The following ATP2A2 variants were observed in gnomAD, a reference collection of about 807,000 sequenced individuals.
ATP2A2 encodes the protein ATPase sarcoplasmic/endoplasmic reticulum Ca2+ transporting 2.
In ATP2A2, 14 loss-of-function variants were observed where a neutral mutation model predicts 109.3. That is an observed-to-expected ratio of 0.13 (90% CI 0.08 to 0.20). The LOEUF is 0.20. Ranked by LOEUF, ATP2A2 falls within the 10% of genes least tolerant of loss-of-function variation. ATP2A2 has a pLI of 1.00. For missense variants in ATP2A2, 657 were observed against 1,321.6 expected, an observed-to-expected ratio of 0.50 and a Z score of 7.80; for synonymous variants, 506 against 490.9, an observed-to-expected ratio of 1.03 and a Z score of -0.41.
intron 4 of ATP2A2, among the ~76,000 whole-genome samples, chr12:110,295,221 G>C (rs1418056258): frequency 6.6e-6 from 1 of 152,050 alleles, no homozygotes; most frequent in East Asian, 1.9e-4. Flanking sequence ...GGAGTGCAGT[G>C]TCATAATCAC....
intron 3 of ATP2A2, among the ~76,000 whole-genome samples, chr12:110,284,516 A>C (rs1872478059): frequency 6.6e-6 from 1 of 152,184 alleles, no homozygotes; most frequent in African/African-American, 2.4e-5. Context: ...TTGAGTGGCC[A>C]GTTTGAGTGA....
chr12:110,284,050 T>C (rs573262222), intron 3 of ATP2A2, among the ~76,000 whole-genome samples: 1 of 152,332 alleles, frequency 6.6e-6, no homozygotes, highest in South Asian at 2.1e-4. Flanking sequence ...CCATTAATAA[T>C]TCAGTCCCCA....
Position 110,348,460 on chromosome 12 carries a change from AGATGGTTGGAGTTTGGG to A in ATP2A2, c.*1993_*2009del, listed in dbSNP as rs1400154573. On this transcript the variant is annotated 3_prime_UTR_variant, in exon 20 of 20. Transcript: ENST00000539276. ...CTGGGATGGCCAGTAGATGTAATGCAGATGGTTGGAGTTTGGGGAGGGTTAGGAGGCATCAAGCAGGA... is the reference window on the plus strand; with the variant it reads ...CTGGGATGGCCAGTAGATGTAATGCAGAGGGTTAGGAGGCATCAAGCAGGA... 2.0e-6 allele frequency: 2 copies of A among 985,426 alleles called. No homozygotes were observed. Among genetic ancestry groups the A allele is most frequent in the African/African-American group, 3.5e-5 (2 of 57,232 alleles). The allele number at this position is 985,426 out of a possible 1,614,324, so 61.0% of individuals were successfully genotyped here. A position where few individuals can be genotyped will look rare whatever the true frequency, so the allele number is the denominator to read the frequency against.
chr12:110,290,266 A>G (rs895743590), intron 3 of ATP2A2, among the ~76,000 whole-genome samples: 3 of 152,128 alleles, frequency 2.0e-5, no homozygotes, highest in Non-Finnish European at 4.4e-5. Flanking sequence ...AGCTCCTGGC[A>G]TGAAATGATC....
chr12:110,310,296 T>A (rs1875882828), intron 5 of ATP2A2, among the ~76,000 whole-genome samples: 1 of 151,034 alleles, frequency 6.6e-6, no homozygotes, highest in East Asian at 1.9e-4. Context: ...CATGGTTTTG[T>A]GGGATGTTTT....
intron 3 of ATP2A2, among the ~76,000 whole-genome samples, chr12:110,289,880 A>G (rs537007868): frequency 6.6e-6 from 1 of 152,292 alleles, no homozygotes; most frequent in East Asian, 1.9e-4. Flanking sequence ...CTTAGTATTC[A>G]TTGTGGTGAG....
intron 5 of ATP2A2, among the ~76,000 whole-genome samples, chr12:110,317,980 A>G (rs2137788925): frequency 6.6e-6 from 1 of 152,296 alleles, no homozygotes; most frequent in East Asian, 1.9e-4. Context: ...CCTCCACCCA[A>G]AGAGTCAGAG....
At chr12:110,335,745 T>C (rs1282446532) in intron 11 of ATP2A2, among the ~76,000 whole-genome samples, 1 of 152,164 alleles carries the variant, frequency 6.6e-6, no homozygotes, top group Non-Finnish European at 1.5e-5. Flanking sequence ...CTGATTGTAT[T>C]GGAGGAAGGA....
chr12:110,281,312 G>A lies in ATP2A2; in HGVS notation c.-478G>A, dbSNP rs1189031208. On this transcript the variant is annotated 5_prime_UTR_variant, in exon 1 of 20. Transcript: ENST00000539276. ...CTTTTCCTTCGCCGCAGTTTCCTCCGCCGCTGTCGGGCGTGCGGCGCTGAG... is the reference window on the plus strand; with the variant it reads ...CTTTTCCTTCGCCGCAGTTTCCTCCACCGCTGTCGGGCGTGCGGCGCTGAG... The A allele has an allele frequency of 1.3e-5, 2 of 151,668 alleles. No homozygotes were observed. The highest frequency in any genetic ancestry group is 4.8e-5 in the African/African-American group (2 of 41,388). 9.4% of individuals were successfully genotyped at this position (151,668 alleles called of 1,614,324 possible).
At position 110,282,133 on chromosome 12, in the gene ATP2A2, AG is replaced by A. The variant is rs544225941; in HGVS notation, c.118+228del. On this transcript the variant is annotated intron_variant, in intron 1 of 19. Coordinates refer to ENST00000539276, the MANE Select transcript of ATP2A2 (RefSeq NM_170665.4). ...GGGCCCTCGACCTTTTCGGCGCGCA[AG>A]GCTCGGAGGCTTCTCTCCAGCAGCA... is the stretch of plus-strand genomic sequence containing the variant. Among the ~76,000 whole-genome samples the A allele has an allele frequency of 3.4e-4, 51 of 152,226 alleles. 1 individual carries two copies. Among genetic ancestry groups the A allele is most frequent in the African/African-American group, 1.2e-3 (50 of 41,546 alleles).
At chr12:110,326,496 G>A in intron 7 of ATP2A2, 21 bp downstream of exon 7, 1 of 1,585,228 alleles carries the variant, frequency 6.3e-7, no homozygotes, top group Non-Finnish European at 8.6e-7. Context: ...TATGAAATGT[G>A]TTTTTATTTA....
intron 5 of ATP2A2, among the ~76,000 whole-genome samples, chr12:110,311,708 G>A (rs1209537526): frequency 7.4e-6 from 1 of 135,732 alleles, no homozygotes; most frequent in Non-Finnish European, 1.6e-5. Context: ...AAAGTCTTTT[G>A]TAAAATATGA....
At chr12:110,329,731 T>C (rs1344309051) in intron 8 of ATP2A2, 2 of 152,168 alleles carry the variant, frequency 1.3e-5, no homozygotes, top group Non-Finnish European at 2.9e-5. Flanking sequence ...CATCCTATAT[T>C]TTTTGACCAT....
At position 110,333,141 on chromosome 12, in the gene ATP2A2, C is replaced by T. The variant is rs775163401; in HGVS notation, c.1185-40C>T. 4.5e-6 allele frequency: 7 copies of T among 1,542,422 alleles called. No individual in the cohort carries two copies. The South Asian group carries it at 5.6e-5, about 12-fold the overall frequency. ...AGGGGGCGGGAGGAATCAATAGTGG[C>T]GACCATACCCTGCTCTAAGAGTGTT... is the stretch of plus-strand genomic sequence containing the variant. On this transcript the variant is annotated intron_variant, in intron 9 of 19. Transcript: ENST00000539276.
At chr12:110,324,827 T>A (rs1000516196) in intron 6 of ATP2A2, among the ~76,000 whole-genome samples, 1 of 150,144 alleles carries the variant, frequency 6.7e-6, no homozygotes, top group Non-Finnish European at 1.5e-5. Flanking sequence ...ATAATGAAAA[T>A]CTTTTTTTTT....
At chr12:110,302,837 C>G (rs1874828137) in intron 5 of ATP2A2, among the ~76,000 whole-genome samples, 1 of 152,044 alleles carries the variant, frequency 6.6e-6, no homozygotes, top group African/African-American at 2.4e-5. Context: ...GGCCTCGTGA[C>G]CCACTCACCT....
In ATP2A2 at chr12:110,327,811, AAAATTG is replaced by A. The variant is rs1877953961; in HGVS notation, c.890_895del (p.Lys297_Ala299delinsThr). 6.2e-7 allele frequency: 1 copy of A among 1,614,046 alleles called. No individual in the cohort carries two copies. Among genetic ancestry groups the A allele is most frequent in the Non-Finnish European group, 8.5e-7 (1 of 1,180,044 alleles). Reference sequence around the variant, plus strand: ...GATCAGAGGTGCTATTTACTACTTTAAAATTGCAGTGGCCCTGGCTGTAGCAGCCAT... The same window carrying A: ...GATCAGAGGTGCTATTTACTACTTTACAGTGGCCCTGGCTGTAGCAGCCAT... On this transcript the variant is annotated inframe_deletion, in exon 8 of 20. Coordinates refer to ENST00000539276, the MANE Select transcript of ATP2A2 (RefSeq NM_170665.4). The surrounding 1 kb of genome is among the most constrained non-coding windows in gnomAD (Gnocchi z 4.4).
intron 11 of ATP2A2, among the ~76,000 whole-genome samples, chr12:110,336,377 A>T (rs1469117631): frequency 6.6e-6 from 1 of 152,190 alleles, no homozygotes; most frequent in Non-Finnish European, 1.5e-5. Context: ...AGTTGTCACC[A>T]CGTTTAATGC....
At chr12:110,295,721 A>C (rs868233453) in intron 4 of ATP2A2, among the ~76,000 whole-genome samples, 1 of 152,170 alleles carries the variant, frequency 6.6e-6, no homozygotes, top group Non-Finnish European at 1.5e-5. Context: ...TGATTCTACA[A>C]CTTCCATTCT....
Sources: gnomAD v4.1 joint callset for allele counts (sites outside exome capture counted in the v4.1 genomes callset) on GRCh38, gnomAD v4.1.1 for gene constraint, Gnocchi (gnomAD v3.1) non-coding constraint, MANE v1.5 for transcripts, NCBI Gene and HGNC (gene_info 2026-07-23, HGNC 2026-07-21) for gene names.